Variants in ITPR2 observed in about 807,000 individuals in gnomAD.
The protein encoded by ITPR2 is inositol 1,4,5-trisphosphate-gated calcium channel ITPR2.
Under a neutral mutation model 317.1 loss-of-function variants are expected in ITPR2, and 207 were observed. That is an observed-to-expected ratio of 0.65 (90% CI 0.58 to 0.73). The LOEUF is 0.73. ITPR2 is among the 30% of genes least tolerant of loss of function. ITPR2 has a pLI of 0.00. For synonymous variants in ITPR2, 1,156 were observed against 1,149.1 expected (o/e 1.01, Z -0.12); for missense variants, 2,613 against 3,284.0 (o/e 0.80, Z 4.99).
At chr12:26,474,786 T>TC (rs1208785245) in intron 45 of ITPR2, among the ~76,000 whole-genome samples, 1 of 81,072 alleles carries the variant, frequency 1.2e-5, no homozygotes, top group Non-Finnish European at 2.3e-5. Flanking sequence ...AGAGCGAGAC[T>TC]CCGTCTCAAA....
intron 10 of ITPR2, among the ~76,000 whole-genome samples, chr12:26,689,725 C>T (rs1388875315): frequency 6.6e-6 from 1 of 152,092 alleles, no homozygotes; most frequent in Non-Finnish European, 1.5e-5. Context: ...TTTTACAGGG[C>T]CCAGTAGAAG....
intron 22 of ITPR2, among the ~76,000 whole-genome samples, chr12:26,630,222 T>G (rs1490228976): frequency 1.3e-5 from 2 of 152,126 alleles, no homozygotes; most frequent in Non-Finnish European, 2.9e-5. Context: ...TTGACAATGT[T>G]TACATGCAGC....
In ITPR2 at chr12:26,536,427, T is replaced by C. The variant is rs77087992; in HGVS notation, c.5073+13820A>G. Among the ~76,000 whole-genome samples the C allele has an allele frequency of 5.0e-3, 768 of 152,140 alleles. 6 individuals are homozygous for C. The highest frequency in any genetic ancestry group is 8.7e-3 in the Non-Finnish European group (590 of 68,024). On this transcript the variant is annotated intron_variant, in intron 37 of 56. Coordinates refer to ENST00000381340, the MANE Select transcript of ITPR2 (RefSeq NM_002223.4). Reference sequence around the variant, plus strand: ...TGCTCAACAGTAGAACTCGAGACTATGAAATCTGAGGTGAATAAGAAGAGG... The same window carrying C: ...TGCTCAACAGTAGAACTCGAGACTACGAAATCTGAGGTGAATAAGAAGAGG...
At chr12:26,572,325 A>G (rs1444825760) in intron 34 of ITPR2, among the ~76,000 whole-genome samples, 4 of 152,160 alleles carry the variant, frequency 2.6e-5, no homozygotes, top group African/African-American at 9.7e-5. Flanking sequence ...AGTGCCACAT[A>G]ATCAAGCAGA....
In ITPR2 at chr12:26,632,014, G is replaced by C; in HGVS notation, c.2786C>G (p.Thr929Ser). 1.9e-6 allele frequency: 3 copies of C among 1,602,148 alleles called. No individual in the cohort carries two copies. The highest frequency in any genetic ancestry group is 2.6e-6 in the Non-Finnish European group (3 of 1,175,176). Reference protein sequence around the residue: ...RTIHGVGEMMTQMVLSRGSIF... With the variant: ...RTIHGVGEMMSQMVLSRGSIF... Reference sequence around the variant, plus strand: ...GGAGCCTCTACTGAGTACCATCTGGGTCATCATCTCTCCCACCCCATGAAT... The same window carrying C: ...GGAGCCTCTACTGAGTACCATCTGGCTCATCATCTCTCCCACCCCATGAAT... Residue 929 changes from threonine (T) to serine (S), a missense_variant, in exon 22 of 57, where the codon ACC (threonine) becomes AGC (serine). This residue lies in a region of ITPR2 where 817 missense variants were observed against 897.6 expected (regional missense o/e 0.91). Coordinates refer to ENST00000381340, the MANE Select transcript of ITPR2 (RefSeq NM_002223.4).
chr12:26,644,640 A>G (rs1947070383), intron 21 of ITPR2, among the ~76,000 whole-genome samples: 1 of 152,170 alleles, frequency 6.6e-6, no homozygotes, highest in Non-Finnish European at 1.5e-5. Flanking sequence ...TAAAACCATC[A>G]GATCTCATGA....
chr12:26,446,418 A>G (rs1472024681), intron 45 of ITPR2, among the ~76,000 whole-genome samples: 2 of 152,288 alleles, frequency 1.3e-5, no homozygotes, highest in African/African-American at 2.4e-5. Context: ...TAAATCTTAC[A>G]TAACTGATAG....
chr12:26,450,173 C>T (rs757722737), intron 45 of ITPR2, among the ~76,000 whole-genome samples: 1 of 152,060 alleles, frequency 6.6e-6, no homozygotes, highest in Non-Finnish European at 1.5e-5. Flanking sequence ...CATGGCCCTG[C>T]CAACACCTTG....
At chr12:26,393,430 ATTATC>A (rs917187835) in intron 54 of ITPR2, among the ~76,000 whole-genome samples, 6 of 152,234 alleles carry the variant, frequency 3.9e-5, no homozygotes, top group African/African-American at 1.4e-4. Flanking sequence ...CTAGATATAC[ATTATC>A]ATAATGCTTC....
chr12:26,366,582 G>A (rs1018599172), intron 55 of ITPR2, among the ~76,000 whole-genome samples: 4 of 152,152 alleles, frequency 2.6e-5, no homozygotes, highest in Admixed American at 1.3e-4. Context: ...TAAAGAGAAT[G>A]TAAGTTTTAA....
intron 49 of ITPR2, among the ~76,000 whole-genome samples, chr12:26,422,936 AG>A (rs1940942281): frequency 6.6e-6 from 1 of 152,198 alleles, no homozygotes. Flanking sequence ...TCTCCATTTC[AG>A]GGGCATTACA....
chr12:26,494,002 A>G (rs1378344595), intron 39 of ITPR2, 151 bp downstream of exon 39: 10 of 571,204 alleles, frequency 1.8e-5, no homozygotes, highest in Non-Finnish European at 2.9e-5. Context: ...TCTACAGCAA[A>G]CAAATTTAAG....
In ITPR2 at chr12:26,598,875, G is replaced by A. The variant is rs563775908; in HGVS notation, c.4002+270C>T. Among the ~76,000 whole-genome samples, 16 of 152,020 alleles carry A rather than the reference G, an allele frequency of 1.1e-4. No homozygotes were observed. In the East Asian group the frequency reaches 2.5e-3, roughly 24 times the overall value. On this transcript the variant is annotated intron_variant, in intron 30 of 56. Coordinates refer to ENST00000381340, the MANE Select transcript of ITPR2 (RefSeq NM_002223.4). ...TTTGTCACTTTCATTCCAAACAATC[G>A]ACAACATTTCATAGGATTTTACCCA...
At position 26,350,395 on chromosome 12, in the gene ITPR2, G is replaced by A. The variant is rs1252991355; in HGVS notation, c.7858-10067C>T. 2.6e-5 allele frequency among the ~76,000 whole-genome samples: 4 copies of A among 152,080 alleles called. No homozygotes were observed. In the East Asian group the frequency reaches 7.7e-4, roughly 29 times the overall value. ...TAAAAACTTCTGCAGCGGGCATCCT[G>A]GGGGCGAGAGGCACTGTATGTACTA... is the stretch of plus-strand genomic sequence containing the variant. On this transcript the variant is annotated intron_variant, in intron 55 of 56. Coordinates refer to ENST00000381340, the MANE Select transcript of ITPR2 (RefSeq NM_002223.4).
chr12:26,605,868 C>A (rs376769139), intron 26 of ITPR2, among the ~76,000 whole-genome samples: 82 of 152,176 alleles, frequency 5.4e-4, no homozygotes, highest in Middle Eastern at 6.8e-3. Flanking sequence ...GAACAAAAAC[C>A]CATGGAACAT....
In ITPR2 at chr12:26,789,417, C is replaced by T. The variant is rs113690760; in HGVS notation, c.163+740G>A. 5.1e-3 allele frequency among the ~76,000 whole-genome samples: 784 copies of T among 152,290 alleles called. 9 individuals are homozygous for T. The highest frequency in any genetic ancestry group is 0.018 in the African/African-American group (746 of 41,552). On this transcript the variant is annotated intron_variant, in intron 2 of 56. Coordinates refer to ENST00000381340, the MANE Select transcript of ITPR2 (RefSeq NM_002223.4). Reference sequence around the variant, plus strand: ...TGAGAATCCCTCCGTCTCTCTCCAGCTTTTAATCCTTTATTAAGGCCGTTT... The same window carrying T: ...TGAGAATCCCTCCGTCTCTCTCCAGTTTTTAATCCTTTATTAAGGCCGTTT...
At chr12:26,670,944 TATC>T (rs1410600978) in intron 13 of ITPR2, among the ~76,000 whole-genome samples, 1 of 151,896 alleles carries the variant, frequency 6.6e-6, no homozygotes, top group African/African-American at 2.4e-5. Context: ...GAAGAAAGGG[TATC>T]AGCAATGGAA....
chr12:26,792,246 T>C (rs2137217605), intron 1 of ITPR2, among the ~76,000 whole-genome samples: 1 of 152,112 alleles, frequency 6.6e-6, no homozygotes, highest in African/African-American at 2.4e-5. Flanking sequence ...AGTCATTTCA[T>C]CCTGAAGACT....
chr12:26,462,523 A>G (rs1942062652), intron 45 of ITPR2, among the ~76,000 whole-genome samples: 1 of 151,852 alleles, frequency 6.6e-6, no homozygotes, highest in Non-Finnish European at 1.5e-5. Context: ...GGGAAAAACT[A>G]TTTTCATACA....
Sources: gnomAD v4.1 joint callset for allele counts (sites outside exome capture counted in the v4.1 genomes callset) on GRCh38, gnomAD v4.1.1 for gene constraint, gnomAD v4.1.1 regional missense constraint, MANE v1.5 for transcripts, NCBI Gene and HGNC (gene_info 2026-07-23, HGNC 2026-07-21) for gene names.